The following TNFAIP8 variants were observed in gnomAD, a reference collection of about 807,000 sequenced individuals.
The protein encoded by TNFAIP8 is tumor necrosis factor alpha-induced protein 8.
Under a neutral mutation model 13.3 loss-of-function variants are expected in TNFAIP8, and 7 were observed. That is an observed-to-expected ratio of 0.52 (90% confidence interval 0.30 to 0.99). The LOEUF is 0.99. TNFAIP8 is among the 50% of genes least tolerant of loss of function. The pLI is 0.07. For synonymous variants in TNFAIP8, 94 were observed against 87.6 expected, an observed-to-expected ratio of 1.07 and a Z score of -0.41; for missense variants, 258 against 236.9, an observed-to-expected ratio of 1.09 and a Z score of -0.58.
chr5:119,355,610 A>G, upstream of TNFAIP8: 1 of 563,350 alleles, frequency 1.8e-6, no homozygotes, highest in Non-Finnish European at 3.1e-6. Flanking sequence ...CCAAAAATAC[A>G]GAGGCATTGG....
intron 1 of TNFAIP8, among the ~76,000 whole-genome samples, chr5:119,335,234 G>A (rs1364861080): frequency 6.6e-6 from 1 of 152,192 alleles, no homozygotes; most frequent in Non-Finnish European, 1.5e-5. Context: ...AAACTCTAGT[G>A]TGATATCCTG....
intron 1 of TNFAIP8, among the ~76,000 whole-genome samples, chr5:119,300,127 CCA>C (rs1482700927): frequency 6.6e-6 from 1 of 152,216 alleles, no homozygotes; most frequent in Non-Finnish European, 1.5e-5. Context: ...TGTCCTGTGC[CCA>C]CTATCTGGCA....
chr5:119,330,650 G>A (rs796492635), intron 1 of TNFAIP8, among the ~76,000 whole-genome samples: 4 of 152,244 alleles, frequency 2.6e-5, no homozygotes, highest in African/African-American at 9.6e-5. Context: ...CGCAGGGTGT[G>A]GGGAGAGTGA....
rs1379098525 is a variant in TNFAIP8 at position 119,292,669 on chromosome 5, TATATATATATATATATAC to T, written c.1+23764_1+23781del. ...GCATATATATATATATATATATATATATATATATATATATATACACACACACACAATGAAATACTATTT... is the reference window on the plus strand; with the variant it reads ...GCATATATATATATATATATATATATACACACACACAATGAAATACTATTT... On this transcript the variant is annotated intron_variant, in intron 1 of 1. Transcript: ENST00000274456. 6.8e-4 allele frequency among the ~76,000 whole-genome samples: 30 copies of T among 44,188 alleles called. 1 individual carries two copies. The highest frequency in any genetic ancestry group is 1.3e-3 in the African/African-American group (25 of 19,120). The allele number at this position is 44,188 out of a possible 152,430, so 29.0% of individuals were successfully genotyped here. A position where few individuals can be genotyped will look rare whatever the true frequency, so the allele number is the denominator to read the frequency against.
At chr5:119,295,323 G>A (rs1449173622) in intron 1 of TNFAIP8, among the ~76,000 whole-genome samples, 3 of 151,486 alleles carry the variant, frequency 2.0e-5, no homozygotes, top group Admixed American at 1.3e-4. Flanking sequence ...GTAAGGAAGG[G>A]ATCCAGTTTC....
intron 1 of TNFAIP8, among the ~76,000 whole-genome samples, chr5:119,374,149 C>T: frequency 6.6e-6 from 1 of 151,770 alleles, no homozygotes; most frequent in East Asian, 1.9e-4. Context: ...GGTAGCGTAT[C>T]GCTTATCCAA....
In TNFAIP8 at chr5:119,393,453, AAG is replaced by A. The variant is rs1752979649; in HGVS notation, c.*74_*75del. 1 of 1,375,112 alleles carries A rather than the reference AAG, an allele frequency of 7.3e-7. No individual in the cohort carries two copies. The highest frequency in any genetic ancestry group is 9.9e-7 in the Non-Finnish European group (1 of 1,009,784). 85.2% of individuals were successfully genotyped at this position (1,375,112 alleles called of 1,614,324 possible). ...AGCACTGCTGATTTATGAAGGAAAA[AAG>A]AAGAATTTTCTAAAGATTACACATA... On this transcript the variant is annotated 3_prime_UTR_variant, in exon 2 of 2. Coordinates refer to ENST00000504771, the MANE Select transcript of TNFAIP8 (RefSeq NM_014350.4).
intron 1 of TNFAIP8, among the ~76,000 whole-genome samples, chr5:119,383,991 A>T (rs1481278029): frequency 1.3e-5 from 2 of 152,158 alleles, no homozygotes; most frequent in African/African-American, 4.8e-5. Context: ...TTCCTATACT[A>T]AAAGAAGAGG....
At chr5:119,354,512 TTCAAAG>T (rs2112767646), upstream of TNFAIP8, 1 of 152,302 alleles carries the variant, frequency 6.6e-6, no homozygotes, top group African/African-American at 2.4e-5. Flanking sequence ...CTCTTTTCTG[TTCAAAG>T]TCAATACTGA....
intron 1 of TNFAIP8, among the ~76,000 whole-genome samples, chr5:119,340,486 T>A (rs559764484): frequency 5.3e-5 from 8 of 152,346 alleles, no homozygotes; most frequent in Admixed American, 2.0e-4. Flanking sequence ...GGAGATTTAA[T>A]TCTATTAATA....
intron 1 of TNFAIP8, among the ~76,000 whole-genome samples, chr5:119,384,452 C>T (rs1349267121): frequency 6.6e-6 from 1 of 152,044 alleles, no homozygotes; most frequent in Non-Finnish European, 1.5e-5. Context: ...CATTTCACTC[C>T]AGCCTGGGCA....
intron 1 of TNFAIP8, among the ~76,000 whole-genome samples, chr5:119,290,775 A>T (rs1748958554): frequency 6.6e-6 from 1 of 152,190 alleles, no homozygotes; most frequent in East Asian, 1.9e-4. Context: ...ATGGATTTTC[A>T]GTAGCTGAGG....
intron 1 of TNFAIP8, among the ~76,000 whole-genome samples, chr5:119,375,639 T>C (rs1752250229): frequency 6.6e-6 from 1 of 152,218 alleles, no homozygotes; most frequent in African/African-American, 2.4e-5. Flanking sequence ...GAGTTTAATA[T>C]AGCAAGTATA....
chr5:119,311,126 G>A (rs762566260), intron 1 of TNFAIP8, among the ~76,000 whole-genome samples: 47 of 152,134 alleles, frequency 3.1e-4, no homozygotes, highest in African/African-American at 1.1e-3. Context: ...GGCCTTGAGC[G>A]ATCCTCCCAC....
At chr5:119,269,159 C>T (rs563087721) in intron 1 of TNFAIP8, among the ~76,000 whole-genome samples, 2 of 152,314 alleles carry the variant, frequency 1.3e-5, no homozygotes, top group South Asian at 2.1e-4. Context: ...TCCAAGACCC[C>T]TTTTAGGAAC....
At chr5:119,278,374 AGAGTGTGTGTGTGTGTGTGTGTGTGTGT>A (rs1748523667) in intron 1 of TNFAIP8, among the ~76,000 whole-genome samples, 1 of 123,116 alleles carries the variant, frequency 8.1e-6, no homozygotes, top group African/African-American at 3.8e-5. Context: ...AGAGAGAGAG[AGAGTGTGTGTGTGTGTGTGTGTGTGTGT>A]GTGTGTGTGT....
At chr5:119,331,526 TC>T (rs1407017587) in intron 1 of TNFAIP8, among the ~76,000 whole-genome samples, 1 of 152,202 alleles carries the variant, frequency 6.6e-6, no homozygotes, top group Non-Finnish European at 1.5e-5. Flanking sequence ...GAGAGCTCTC[TC>T]CAAAACCAGG....
intron 1 of TNFAIP8, among the ~76,000 whole-genome samples, chr5:119,361,840 G>A (rs1386874693): frequency 1.3e-5 from 2 of 152,200 alleles, no homozygotes; most frequent in African/African-American, 4.8e-5. Flanking sequence ...GTCATGGACT[G>A]TCCAGTAGAC....
Position 119,339,621 on chromosome 5 carries a change from C to T in TNFAIP8, c.2-53195C>T, listed in dbSNP as rs548100794. Among the ~76,000 whole-genome samples the T allele has an allele frequency of 1.2e-4, 19 of 152,178 alleles. No homozygotes were observed. The East Asian group carries it at 3.7e-3, about 29-fold the overall frequency. ...ACAGATTTTGTGAACCACAGTAGCA[C>T]TGCAGATCACAAAGGGATTCTCAGA... is the stretch of plus-strand genomic sequence containing the variant. On this transcript the variant is annotated intron_variant, in intron 1 of 1. Coordinates refer to the TNFAIP8 transcript ENST00000274456.
Sources: allele counts gnomAD v4.1 joint callset (sites outside exome capture counted in the v4.1 genomes callset), GRCh38; gene constraint gnomAD v4.1.1; transcripts MANE v1.5; gene names NCBI Gene and HGNC (gene_info 2026-07-23, HGNC 2026-07-21).